The following ALDH16A1 variants were observed in gnomAD, a reference collection of about 807,000 sequenced individuals.
ALDH16A1 encodes the protein aldehyde dehydrogenase family 16 member A1.
Under a neutral mutation model 96.1 loss-of-function variants are expected in ALDH16A1, and 88 were observed. The observed-to-expected ratio is 0.92, with a 90% CI of 0.77 to 1.09. ALDH16A1 has a LOEUF of 1.09. Among genes scored for constraint, ALDH16A1 ranks in the 50% least tolerant of loss-of-function variants. ALDH16A1 has a pLI of 0.00. For synonymous variants in ALDH16A1, 522 were observed against 496.4 expected, an observed-to-expected ratio of 1.05 and a Z score of -0.69; for missense variants, 1,250 against 1,112.6, an observed-to-expected ratio of 1.12 and a Z score of -1.76.
Position 49,459,872 on chromosome 19 carries a change from C to T in ALDH16A1, c.499+24C>T, listed in dbSNP as rs754824835. ...GGGTGAGACCCTGGAGTCCCTAGCC[C>T]TATCCTCCCACATGACTCAGCAGTG... is the stretch of plus-strand genomic sequence containing the variant. On this transcript the variant is annotated intron_variant, in intron 4 of 16. Coordinates refer to ENST00000293350, the MANE Select transcript of ALDH16A1 (RefSeq NM_153329.4). The surrounding 1 kb of genome is among the most constrained non-coding windows in gnomAD (Gnocchi z 4.1). 5.0e-6 allele frequency: 8 copies of T among 1,602,384 alleles called. No individual in the cohort carries two copies. The East Asian group carries it at 1.8e-4, about 36-fold the overall frequency.
At chr19:49,460,691 G>C in intron 4 of ALDH16A1, 131 bp from the exon 5 acceptor site, 1 of 763,376 alleles carries the variant, frequency 1.3e-6, no homozygotes, top group Non-Finnish European at 2.1e-6. Context: ...TGAGATTACA[G>C]GCGTGAGCCA....
chr19:49,464,959 A>C (rs2079186140), intron 12 of ALDH16A1, among the ~76,000 whole-genome samples, 197 bp downstream of exon 12: 1 of 152,074 alleles, frequency 6.6e-6, no homozygotes, highest in African/African-American at 2.4e-5. Context: ...GAATGTCTGT[A>C]CTCTCCCAGA....
chr19:49,463,993 AG>A, intron 9 of ALDH16A1, 44 bp downstream of exon 9: 1 of 1,586,056 alleles, frequency 6.3e-7, no homozygotes. Context: ...CCGCCAGCCA[AG>A]GGCAGCAGCT....
intron 14 of ALDH16A1, 91 bp downstream of exon 14, chr19:49,466,374 C>A: frequency 7.7e-7 from 1 of 1,297,952 alleles, no homozygotes; most frequent in Non-Finnish European, 1.0e-6. Context: ...GGAATTCGGG[C>A]CCAGCCCCAC....
intron 1 of ALDH16A1, among the ~76,000 whole-genome samples, chr19:49,453,844 A>G (rs1601012825): frequency 6.6e-6 from 1 of 151,908 alleles, no homozygotes; most frequent in Non-Finnish European, 1.5e-5. Flanking sequence ...ATGGGCCTCC[A>G]GAGCACCCCA....
rs964561838 is a variant in ALDH16A1, at chr19:49,458,589, G to A, written c.193+1G>A. On this transcript the variant is annotated splice_donor_variant, in intron 2 of 16. Transcript: ENST00000293350. LOFTEE classifies it high-confidence loss of function. ...GTGCCTTGCCAGGATCCCATCACAG[G>A]TACGAGATGTCCCCCAGTCATTAGT... 38 of 1,555,794 alleles carry A rather than the reference G, an allele frequency of 2.4e-5. No individual in the cohort carries two copies. Among genetic ancestry groups the A allele is most frequent in the Non-Finnish European group, 3.2e-5 (37 of 1,148,516 alleles).
rs1384010381 is a variant in ALDH16A1, at chr19:49,470,398, G to T, written c.2340G>T (p.Glu780Asp). Reference sequence around the variant, plus strand: ...CGCGGGCCTGGGACCAGGAGGCCGAGGGGGCAGGCCCAGAGCTGGGGCTGC... The same window carrying T: ...CGCGGGCCTGGGACCAGGAGGCCGATGGGGCAGGCCCAGAGCTGGGGCTGC... ...GCPRAWDQEAEGAGPELGLRV... is the reference protein window; with the variant it reads ...GCPRAWDQEADGAGPELGLRV... The change falls in exon 17 of 17, where the codon GAG becomes GAT. Residue 780 changes from glutamate (E) to aspartate (D), a missense_variant. Physicochemically the swap from Glu to Asp is conservative, Grantham distance 45. Transcript: ENST00000293350. The T allele has an allele frequency of 6.2e-7, 1 of 1,612,210 alleles. No individual in the cohort carries two copies. Among genetic ancestry groups the T allele is most frequent in the Admixed American group, 1.7e-5 (1 of 59,798 alleles).
intron 14 of ALDH16A1, 31 bp downstream of exon 14, chr19:49,466,314 G>T: frequency 7.0e-7 from 1 of 1,426,832 alleles, no homozygotes; most frequent in Non-Finnish European, 9.1e-7. Context: ...TGGGCCAGCT[G>T]GGCAGGCGGG....
rs191389590 is a variant in ALDH16A1, at chr19:49,457,268, C to G, written c.91-1218C>G. ...TGAGAAAGAAATATGGAGGAGAAGT[C>G]CGGGCGCAGTGGCTCACGCCTGTAA... On this transcript the variant is annotated intron_variant, in intron 1 of 16. Coordinates refer to ENST00000293350, the MANE Select transcript of ALDH16A1 (RefSeq NM_153329.4). Among the ~76,000 whole-genome samples, 289 of 151,680 alleles carry G rather than the reference C, an allele frequency of 1.9e-3. 1 individual carries two copies. The highest frequency in any genetic ancestry group is 6.8e-3 in the African/African-American group (282 of 41,404).
intron 1 of ALDH16A1, among the ~76,000 whole-genome samples, chr19:49,454,087 C>T (rs940627368): frequency 1.4e-5 from 2 of 146,698 alleles, no homozygotes; most frequent in African/African-American, 2.5e-5. Context: ...TGCACTGGCG[C>T]TATCACACCA....
At position 49,470,578 on chromosome 19, in the gene ALDH16A1, T is replaced by C; in HGVS notation, c.*111T>C. 2 of 1,241,812 alleles carry C rather than the reference T, an allele frequency of 1.6e-6. No individual in the cohort carries two copies. Among genetic ancestry groups the C allele is most frequent in the Non-Finnish European group, 2.1e-6 (2 of 939,264 alleles). 76.9% of individuals were successfully genotyped at this position (1,241,812 alleles called of 1,614,324 possible). ...TTCCTGTGTCTCCCAATAAACTCTCTGACCAACCCTAGCTGTGCTTCTGCG... is the reference window on the plus strand; with the variant it reads ...TTCCTGTGTCTCCCAATAAACTCTCCGACCAACCCTAGCTGTGCTTCTGCG... On this transcript the variant is annotated 3_prime_UTR_variant, in exon 17 of 17. Transcript: ENST00000293350.
Position 49,459,749 on chromosome 19 carries a change from G to C in ALDH16A1, c.400G>C (p.Val134Leu), listed in dbSNP as rs753575875. 1 of 1,613,734 alleles carries C rather than the reference G, an allele frequency of 6.2e-7. No individual in the cohort carries two copies. The highest frequency in any genetic ancestry group is 8.5e-7 in the Non-Finnish European group (1 of 1,179,928). The change falls in exon 4 of 17, where the codon GTT (valine) becomes CTT (leucine). Residue 134 changes from valine (V) to leucine (L), a missense_variant. Transcript: ENST00000293350. This position sits in a 1 kb window ranked among gnomAD's most constrained non-coding sequence, Gnocchi z 4.1. ...SLVTGRAVRE[V>L]RDGDVQLAQQ... ...GGTGACTGGGCGGGCTGTTCGAGAG[G>C]TTCGAGACGGGGACGTCCAGCTGGC...
intron 12 of ALDH16A1, 89 bp downstream of exon 12, chr19:49,464,851 A>T: frequency 6.3e-7 from 1 of 1,577,692 alleles, no homozygotes; most frequent in Non-Finnish European, 8.6e-7. Flanking sequence ...GGCTGGCGCG[A>T]GGTCCATCCA....
rs751182686 is a variant in ALDH16A1 at position 49,468,408 on chromosome 19, C to A, written c.1966C>A (p.Arg656Ser). ...AGCCGGGCTGAGAGGCCCTGTGCTG[C>A]GCCTGCGGGAGCCGCTGGGTGTGCT... The part of the protein sequence containing the change: ...QVAGLRGPVL[R>S]LREPLGVLAV... Residue 656 changes from arginine to serine, a missense_variant, in exon 15 of 17, where the codon CGC (arginine) becomes AGC (serine). Coordinates refer to ENST00000293350, the MANE Select transcript of ALDH16A1 (RefSeq NM_153329.4). The surrounding 1 kb of genome is among the most constrained non-coding windows in gnomAD (Gnocchi z 4.4). The A allele has an allele frequency of 6.2e-7, 1 of 1,600,074 alleles. No homozygotes were observed. The highest frequency in any genetic ancestry group is 8.5e-7 in the Non-Finnish European group (1 of 1,179,768).
intron 12 of ALDH16A1, among the ~76,000 whole-genome samples, 165 bp downstream of exon 12, chr19:49,464,927 G>A (rs968494600): frequency 2.0e-5 from 3 of 152,234 alleles, no homozygotes; most frequent in African/African-American, 2.4e-5. Context: ...CAGGCCTGCC[G>A]AGACTCTCAG....
chr19:49,458,170 GATC>G (rs2079116224), intron 1 of ALDH16A1, among the ~76,000 whole-genome samples: 1 of 151,600 alleles, frequency 6.6e-6, no homozygotes, highest in African/African-American at 2.4e-5. Context: ...AGTGAGCTGA[GATC>G]ATGCCACTGC....
chr19:49,469,077 TC>T, intron 16 of ALDH16A1, 91 bp downstream of exon 16: 1 of 1,497,712 alleles, frequency 6.7e-7, no homozygotes, highest in African/African-American at 1.4e-5. Flanking sequence ...CTCTTAGAAC[TC>T]CTGTTGGTAA....
Position 49,468,599 on chromosome 19 carries a change from C to T in ALDH16A1, c.2124+33C>T, listed in dbSNP as rs369984414. On this transcript the variant is annotated intron_variant, in intron 15 of 16. Transcript: ENST00000293350. The surrounding 1 kb of genome is among the most constrained non-coding windows in gnomAD (Gnocchi z 4.4). ...CCCCTGCCTTCCTGCCTCTCCTCCCCGTAGCCTCAGGGCAGCAGAAAAAGG... is the reference window on the plus strand; with the variant it reads ...CCCCTGCCTTCCTGCCTCTCCTCCCTGTAGCCTCAGGGCAGCAGAAAAAGG... The T allele has an allele frequency of 2.1e-5, 34 of 1,596,252 alleles. No individual in the cohort carries two copies. The highest frequency in any genetic ancestry group is 6.7e-5 in the African/African-American group (5 of 74,780).
In ALDH16A1 at chr19:49,459,609, C is replaced by T; in HGVS notation, c.321-61C>T. 6.5e-7 allele frequency: 1 copy of T among 1,540,828 alleles called. No homozygotes were observed. Reference sequence around the variant, plus strand: ...TTGTAGTCCAGGTATATAGGAGCAGCCCAGGACTCTGCAAGGCTGAGGGCC... The same window carrying T: ...TTGTAGTCCAGGTATATAGGAGCAGTCCAGGACTCTGCAAGGCTGAGGGCC... On this transcript the variant is annotated intron_variant, in intron 3 of 16. Transcript: ENST00000293350. The surrounding 1 kb of genome is among the most constrained non-coding windows in gnomAD (Gnocchi z 4.1).
Sources: allele counts gnomAD v4.1 joint callset (sites outside exome capture counted in the v4.1 genomes callset), GRCh38; gene constraint gnomAD v4.1.1; non-coding constraint Gnocchi (gnomAD v3.1); transcripts MANE v1.5; gene names NCBI Gene and HGNC (gene_info 2026-07-23, HGNC 2026-07-21).